PCDH15: variants seen among roughly 807,000 people sequenced by gnomAD.
PCDH15 encodes protocadherin-15.
PCDH15 carries 129 observed loss-of-function variants against 178.5 expected under a neutral mutation model. That is an observed-to-expected ratio of 0.72 (90% CI 0.63 to 0.84). The LOEUF is 0.84. Ranked by LOEUF, PCDH15 falls within the 40% of genes least tolerant of loss-of-function variation. The pLI, the probability that PCDH15 is intolerant of heterozygous loss-of-function variation, is 0.00. For missense variants in PCDH15, 2,230 were observed against 2,099.9 expected (o/e 1.06, Z -1.21); for synonymous variants, 800 against 732.0 (o/e 1.09, Z -1.50).
At chr10:54,301,991 T>C (rs1226773491) in intron 8 of PCDH15, among the ~76,000 whole-genome samples, 2 of 152,198 alleles carry the variant, frequency 1.3e-5, no homozygotes, top group Admixed American at 6.5e-5. Flanking sequence ...GCTGTTTTTT[T>C]AGTGTTTAAA....
At chr10:54,193,107 G>C (rs1010967563) in intron 11 of PCDH15, among the ~76,000 whole-genome samples, 1 of 152,132 alleles carries the variant, frequency 6.6e-6, no homozygotes, top group Non-Finnish European at 1.5e-5. Context: ...ACATCTCCAA[G>C]AGTTGAATTA....
At chr10:55,581,823 C>A (rs1243278993) in intron 2 of PCDH15, among the ~76,000 whole-genome samples, 2 of 152,226 alleles carry the variant, frequency 1.3e-5, no homozygotes, top group South Asian at 4.1e-4. Flanking sequence ...TGCACACACA[C>A]ACTGTTACAC....
intron 3 of PCDH15, among the ~76,000 whole-genome samples, chr10:54,431,736 G>T (rs1484874287): frequency 6.6e-6 from 1 of 152,038 alleles, no homozygotes; most frequent in African/African-American, 2.4e-5. Context: ...GTTTAACACA[G>T]TACAGAATGT....
chr10:54,293,442 G>C (rs559517891), intron 8 of PCDH15, among the ~76,000 whole-genome samples: 1 of 152,240 alleles, frequency 6.6e-6, no homozygotes, highest in East Asian at 1.9e-4. Flanking sequence ...AAAAGCAATG[G>C]CACTAAAAGC....
At chr10:54,158,774 A>G (rs2045414823) in intron 13 of PCDH15, among the ~76,000 whole-genome samples, 1 of 152,204 alleles carries the variant, frequency 6.6e-6, no homozygotes, top group African/African-American at 2.4e-5. Context: ...GCAAGAGTGT[A>G]AACACGGTAT....
intron 1 of PCDH15, among the ~76,000 whole-genome samples, chr10:54,741,256 ATAT>A (rs920067715): frequency 6.0e-5 from 9 of 151,160 alleles, no homozygotes; most frequent in African/African-American, 2.2e-4. Context: ...CAAAAACTAT[ATAT>A]TAATATATAA....
intron 2 of PCDH15, among the ~76,000 whole-genome samples, chr10:54,535,551 A>G (rs2084397829): frequency 6.6e-6 from 1 of 151,880 alleles, no homozygotes; most frequent in Non-Finnish European, 1.5e-5. Flanking sequence ...TCTACTAAAA[A>G]TACAAAAAAT....
At chr10:54,037,260 A>G (rs1365788808) in intron 18 of PCDH15, among the ~76,000 whole-genome samples, 1 of 152,004 alleles carries the variant, frequency 6.6e-6, no homozygotes, top group Non-Finnish European at 1.5e-5. Flanking sequence ...TCTGAAAAAA[A>G]CTTATTTAGC....
chr10:54,705,102 T>C (rs997223012), intron 1 of PCDH15, among the ~76,000 whole-genome samples: 1 of 152,144 alleles, frequency 6.6e-6, no homozygotes, highest in African/African-American at 2.4e-5. Flanking sequence ...TTCTCACTTA[T>C]AAGTAGGAGC....
intron 21 of PCDH15, among the ~76,000 whole-genome samples, chr10:53,988,240 C>T (rs1296630853): frequency 6.6e-6 from 1 of 152,138 alleles, no homozygotes; most frequent in Non-Finnish European, 1.5e-5. Context: ...AGCCTCCCCT[C>T]AGCATTAGGT....
At chr10:54,280,768 A>G (rs1204132657) in intron 8 of PCDH15, among the ~76,000 whole-genome samples, 1 of 151,322 alleles carries the variant, frequency 6.6e-6, no homozygotes, top group Non-Finnish European at 1.5e-5. Flanking sequence ...GAGATCTTGC[A>G]AGCCAGTATT....
chr10:55,337,497 A>G (rs1844425784), intron 2 of PCDH15, among the ~76,000 whole-genome samples: 1 of 152,240 alleles, frequency 6.6e-6, no homozygotes, highest in Non-Finnish European at 1.5e-5. Context: ...AATGTGGGAA[A>G]TAATGATATG....
At chr10:55,192,471 T>A (rs1306267046) in intron 1 of PCDH15, among the ~76,000 whole-genome samples, 1 of 151,890 alleles carries the variant, frequency 6.6e-6, no homozygotes, top group South Asian at 2.1e-4. Flanking sequence ...CACAGCAGCA[T>A]GAGTTATTTT....
chr10:54,648,806 G>A (rs2094191186), intron 2 of PCDH15, among the ~76,000 whole-genome samples: 1 of 152,086 alleles, frequency 6.6e-6, no homozygotes, highest in South Asian at 2.1e-4. Context: ...TGTTTATAAT[G>A]ATATATATTT....
At chr10:55,187,137 C>T (rs1475686554) in intron 1 of PCDH15, among the ~76,000 whole-genome samples, 1 of 151,760 alleles carries the variant, frequency 6.6e-6, no homozygotes, top group Non-Finnish European at 1.5e-5. Context: ...TACTTTCAGT[C>T]TAGTGGAGTG....
rs141068964 is a variant in PCDH15, at chr10:54,624,036, C to A, written c.91+40136G>T. 1.5e-3 allele frequency among the ~76,000 whole-genome samples: 227 copies of A among 152,152 alleles called. 1 individual carries two copies. The highest frequency in any genetic ancestry group is 5.0e-3 in the African/African-American group (209 of 41,532). The stretch of plus-strand genomic sequence containing the variant: ...GTACATGTTTGATACATTAAAAAAT[C>A]TTTTCAAAAACCAAAGAAAATCATG... On this transcript the variant is annotated intron_variant, in intron 2 of 37. Coordinates refer to ENST00000644397, the MANE Select transcript of PCDH15 (RefSeq NM_001384140.1).
intron 1 of PCDH15, among the ~76,000 whole-genome samples, chr10:54,691,861 C>A (rs542315877): frequency 4.6e-5 from 7 of 152,028 alleles, no homozygotes; most frequent in Non-Finnish European, 8.8e-5. Flanking sequence ...ACTTTACAAT[C>A]TTTTATATGA....
chr10:55,302,314 T>C (rs1291395115), intron 1 of PCDH15, among the ~76,000 whole-genome samples: 2 of 152,160 alleles, frequency 1.3e-5, no homozygotes, highest in East Asian at 1.9e-4. Flanking sequence ...TATGTTTTAC[T>C]AGATATTTCA....
At chr10:55,466,075 C>G (rs964365698) in intron 2 of PCDH15, among the ~76,000 whole-genome samples, 4 of 152,066 alleles carry the variant, frequency 2.6e-5, no homozygotes, top group Admixed American at 1.3e-4. Flanking sequence ...AATACCTGCC[C>G]TCTGGAGCTC....
Sources: allele counts gnomAD v4.1 joint callset (sites outside exome capture counted in the v4.1 genomes callset), GRCh38; gene constraint gnomAD v4.1.1; transcripts MANE v1.5; gene names NCBI Gene and HGNC (gene_info 2026-07-23, HGNC 2026-07-21).